CPSF3: variants seen among roughly 807,000 people sequenced by gnomAD.
CPSF3 encodes the protein cleavage and polyadenylation specific factor 3, also known as cleavage and polyadenylation specificity factor subunit 3.
CPSF3 carries 57 observed loss-of-function variants against 84.1 expected under a neutral mutation model. The observed-to-expected ratio is 0.68, with a 90% confidence interval of 0.55 to 0.85. CPSF3 has a LOEUF of 0.85. Ranked by LOEUF, CPSF3 falls within the 40% of genes least tolerant of loss-of-function variation. The pLI is 0.00. For synonymous variants in CPSF3, 275 were observed against 278.1 expected, an observed-to-expected ratio of 0.99 and a Z score of 0.11; for missense variants, 522 against 838.8, an observed-to-expected ratio of 0.62 and a Z score of 4.66.
chr2:9,430,697 A>G (rs1680555585), intron 3 of CPSF3, 55 bp from the exon 4 acceptor site: 1 of 1,521,384 alleles, frequency 6.6e-7, no homozygotes, highest in Admixed American at 2.0e-5. Flanking sequence ...GTTTCATTAC[A>G]TGGTATCTGA....
chr2:9,436,149 T>G, intron 6 of CPSF3, 62 bp from the exon 7 acceptor site: 2 of 1,412,678 alleles, frequency 1.4e-6, no homozygotes, highest in Non-Finnish European at 1.9e-6. Context: ...TCATTGATGT[T>G]TAACTTTTGA....
chr2:9,442,100 G>A, intron 9 of CPSF3, 124 bp downstream of exon 9: 1 of 973,478 alleles, frequency 1.0e-6, no homozygotes, highest in Non-Finnish European at 1.6e-6. Flanking sequence ...TTAAAAATGA[G>A]GACGGGAATA....
intron 10 of CPSF3, among the ~76,000 whole-genome samples, chr2:9,446,618 G>C (rs955127071): frequency 6.6e-6 from 1 of 151,310 alleles, no homozygotes; most frequent in Non-Finnish European, 1.5e-5. Flanking sequence ...AATTAGGTAG[G>C]CATGGTGGTT....
At chr2:9,442,444 G>A (rs562586051) in intron 9 of CPSF3, among the ~76,000 whole-genome samples, 1 of 152,276 alleles carries the variant, frequency 6.6e-6, no homozygotes, top group South Asian at 2.1e-4. Context: ...TGAGCATCCA[G>A]GCATCACATT....
chr2:9,430,673 T>C, intron 3 of CPSF3, 79 bp from the exon 4 acceptor site: 1 of 1,379,842 alleles, frequency 7.2e-7, no homozygotes, highest in East Asian at 2.3e-5. Flanking sequence ...ACTTGTTTTG[T>C]ACAGTAAGCA....
At position 9,435,570 on chromosome 2, in the gene CPSF3, G is replaced by A. The variant is rs959711089; in HGVS notation, c.610-641G>A. On this transcript the variant is annotated intron_variant, in intron 6 of 17. Transcript: ENST00000238112. ...CTGACTAGCTGGGATTATAAGGCAT[G>A]CGCCACCATGCCCAGCTAATTTTTG... Among the ~76,000 whole-genome samples, 5 of 150,178 alleles carry A rather than the reference G, an allele frequency of 3.3e-5. No homozygotes were observed. In the East Asian group the frequency reaches 8.0e-4, roughly 24 times the overall value.
chr2:9,442,339 G>A (rs1440139827), intron 9 of CPSF3, among the ~76,000 whole-genome samples: 1 of 152,076 alleles, frequency 6.6e-6, no homozygotes, highest in East Asian at 1.9e-4. Context: ...AATGTGTTTG[G>A]GTTGACCACT....
intron 8 of CPSF3, 65 bp downstream of exon 8, chr2:9,440,731 A>T: frequency 6.5e-7 from 1 of 1,527,820 alleles, no homozygotes; most frequent in Non-Finnish European, 9.0e-7. Context: ...AGTAGGAGGT[A>T]CGAGGCCGTG....
intron 16 of CPSF3, among the ~76,000 whole-genome samples, chr2:9,469,720 C>A (rs1682097832): frequency 6.6e-6 from 1 of 152,074 alleles, no homozygotes; most frequent in African/African-American, 2.4e-5. Flanking sequence ...AGCTTCCATT[C>A]GGCCAGGAAT....
At chr2:9,449,148 G>A (rs1002872047) in intron 11 of CPSF3, among the ~76,000 whole-genome samples, 41 of 151,312 alleles carry the variant, frequency 2.7e-4, no homozygotes, top group African/African-American at 9.5e-4. Flanking sequence ...GGAGGCCAAG[G>A]TGTGTGGATC....
At chr2:9,451,939 A>G (rs1274187281) in intron 11 of CPSF3, among the ~76,000 whole-genome samples, 1 of 151,962 alleles carries the variant, frequency 6.6e-6, no homozygotes, top group African/African-American at 2.4e-5. Flanking sequence ...GATGGTCTCA[A>G]TCTCGTGACC....
intron 5 of CPSF3, 149 bp from the exon 6 acceptor site, chr2:9,433,722 T>G: frequency 3.3e-6 from 2 of 609,886 alleles, no homozygotes; most frequent in Non-Finnish European, 5.9e-6. Context: ...CTACACATTT[T>G]GAATTGGACA....
At chr2:9,457,148 TG>T in intron 14 of CPSF3, 121 bp downstream of exon 14, 2 of 77,624 alleles carry the variant, frequency 2.6e-5, no homozygotes, top group Non-Finnish European at 4.6e-5. Flanking sequence ...GGAAAGTATA[TG>T]TGTGTGTGTG....
chr2:9,443,845 C>G (rs76539884), intron 10 of CPSF3, among the ~76,000 whole-genome samples, 184 bp downstream of exon 10: 311 of 152,242 alleles, frequency 2.0e-3, no homozygotes, highest in African/African-American at 7.1e-3. Context: ...CAAGCTGCCC[C>G]CTTTCTCCAG....
At chr2:9,460,825 G>A (rs992032220) in intron 15 of CPSF3, among the ~76,000 whole-genome samples, 4 of 151,930 alleles carry the variant, frequency 2.6e-5, no homozygotes, top group Non-Finnish European at 4.4e-5. Context: ...TACATGTTTT[G>A]AGCTGTGAGT....
intron 7 of CPSF3, among the ~76,000 whole-genome samples, chr2:9,438,721 T>G (rs188530154): frequency 6.6e-6 from 1 of 152,154 alleles, no homozygotes; most frequent in Admixed American, 6.5e-5. Flanking sequence ...GTCTCGTTAG[T>G]ATATATTCTT....
chr2:9,466,825 C>G (rs1681997726), intron 15 of CPSF3, among the ~76,000 whole-genome samples: 1 of 152,198 alleles, frequency 6.6e-6, no homozygotes, highest in African/African-American at 2.4e-5. Flanking sequence ...CGTGTTGTCA[C>G]ATAAATTGGT....
chr2:9,467,868 G>A (rs1224613911), intron 16 of CPSF3, 92 bp downstream of exon 16: 24 of 1,017,270 alleles, frequency 2.4e-5, no homozygotes, highest in African/African-American at 1.4e-4. Flanking sequence ...GGACTGGGGC[G>A]TGGCTCTGGC....
chr2:9,456,172 G>C (rs910345133), intron 13 of CPSF3, among the ~76,000 whole-genome samples: 1 of 151,692 alleles, frequency 6.6e-6, no homozygotes, highest in African/African-American at 2.4e-5. Context: ...CTATACAGCA[G>C]GTTTTATAAG....
Sources: allele counts gnomAD v4.1 joint callset (sites outside exome capture counted in the v4.1 genomes callset), GRCh38; gene constraint gnomAD v4.1.1; transcripts MANE v1.5; gene names NCBI Gene and HGNC (gene_info 2026-07-23, HGNC 2026-07-21).